GRIN2A: variants seen among roughly 807,000 people sequenced by gnomAD.
GRIN2A encodes glutamate ionotropic receptor NMDA type subunit 2A.
GRIN2A carries 22 observed loss-of-function variants against 113.4 expected under a neutral mutation model. The observed-to-expected ratio is 0.19, with a 90% CI of 0.14 to 0.28. The LOEUF (loss-of-function observed/expected upper bound fraction) is 0.28. Among genes scored for constraint, GRIN2A ranks in the 10% least tolerant of loss-of-function variants. GRIN2A has a pLI of 1.00. For synonymous variants in GRIN2A, 827 were observed against 738.4 expected, an observed-to-expected ratio of 1.12 and a Z score of -1.94; for missense variants, 1,502 against 1,887.0, an observed-to-expected ratio of 0.80 and a Z score of 3.78.
intron 11 of GRIN2A, among the ~76,000 whole-genome samples, chr16:9,775,895 G>C (rs9924081): frequency 0.023 from 3,547 of 152,260 alleles, 134 homozygotes; most frequent in African/African-American, 0.079. Context: ...CATTCAAATT[G>C]CAAATGTGTA....
At chr16:10,173,769 G>A (rs1301566007) in intron 2 of GRIN2A, among the ~76,000 whole-genome samples, 2 of 152,186 alleles carry the variant, frequency 1.3e-5, no homozygotes, top group African/African-American at 4.8e-5. Context: ...TGCAGCCATT[G>A]AAAATCAAGT....
intron 2 of GRIN2A, among the ~76,000 whole-genome samples, chr16:10,177,885 C>G (rs926677976): frequency 6.6e-6 from 1 of 152,176 alleles, no homozygotes. Context: ...TCTCTGCCTA[C>G]GTTCGGATGA....
At chr16:10,168,111 T>G (rs1032913980) in intron 2 of GRIN2A, among the ~76,000 whole-genome samples, 16 of 152,204 alleles carry the variant, frequency 1.1e-4, no homozygotes, top group African/African-American at 3.9e-4. Flanking sequence ...CATTGGCAAT[T>G]ATTCTAAACA....
chr16:9,902,427 G>C (rs1315363464), intron 3 of GRIN2A, among the ~76,000 whole-genome samples: 1 of 152,206 alleles, frequency 6.6e-6, no homozygotes, highest in Non-Finnish European at 1.5e-5. Flanking sequence ...AGGGTAGAAG[G>C]AGCCTGGGTC....
At chr16:10,048,937 C>T (rs1030002363) in intron 2 of GRIN2A, among the ~76,000 whole-genome samples, 6 of 152,256 alleles carry the variant, frequency 3.9e-5, no homozygotes, top group Middle Eastern at 3.4e-3. Flanking sequence ...AGGAAGGAGC[C>T]GAGGGAGAGA....
At chr16:10,132,056 G>T (rs1337399757) in intron 2 of GRIN2A, among the ~76,000 whole-genome samples, 1 of 152,092 alleles carries the variant, frequency 6.6e-6, no homozygotes, top group Admixed American at 6.5e-5. Context: ...AATAGTCTGG[G>T]CTTGGTGGCT....
intron 2 of GRIN2A, among the ~76,000 whole-genome samples, chr16:10,042,803 T>C (rs2047189019): frequency 2.6e-5 from 4 of 152,148 alleles, no homozygotes; most frequent in Admixed American, 2.6e-4. Context: ...CATAGGAAGA[T>C]AAAATCTCTC....
chr16:10,099,113 A>G (rs149427762), intron 2 of GRIN2A, among the ~76,000 whole-genome samples: 96 of 152,222 alleles, frequency 6.3e-4, no homozygotes, highest in African/African-American at 2.2e-3. Context: ...AATTTCTAAC[A>G]TTCCCCATAC....
At chr16:10,018,397 G>C (rs1179331291) in intron 2 of GRIN2A, among the ~76,000 whole-genome samples, 2 of 152,156 alleles carry the variant, frequency 1.3e-5, no homozygotes, top group Admixed American at 6.5e-5. Context: ...ACTGGAGGCA[G>C]CAATACCACT....
rs144070927 is a variant in GRIN2A at position 10,135,261 on chromosome 16, A to T, written c.414+44737T>A. On this transcript the variant is annotated intron_variant, in intron 2 of 12. Coordinates refer to ENST00000330684, the MANE Select transcript of GRIN2A (RefSeq NM_001134407.3). ...GATGTCCTTTCCTCCAGTTTTCAAT[A>T]ACATTTCCTTCGTAGGTAGCCCTCC... Among the ~76,000 whole-genome samples, 304 of 152,302 alleles carry T rather than the reference A, an allele frequency of 2.0e-3. 2 individuals carry two copies. Among genetic ancestry groups the T allele is most frequent in the African/African-American group, 7.0e-3 (292 of 41,570 alleles).
rs372233976 is a variant in GRIN2A at position 9,769,134 on chromosome 16, C to T, written c.2357-45G>A. 6.8e-5 allele frequency: 97 copies of T among 1,416,614 alleles called. No individual in the cohort carries two copies. The African/African-American group carries it at 1.1e-3, about 16-fold the overall frequency. 87.8% of individuals were successfully genotyped at this position (1,416,614 alleles called of 1,614,324 possible). ...CACAGGCAGTGAGGACCAGAACATG[C>T]ACTTTGGGGCAGACGCTTCTGGGTT... On this transcript the variant is annotated intron_variant, in intron 11 of 12. Transcript: ENST00000330684.
At chr16:10,079,863 A>G (rs914508900) in intron 2 of GRIN2A, among the ~76,000 whole-genome samples, 1 of 152,222 alleles carries the variant, frequency 6.6e-6, no homozygotes, top group Admixed American at 6.5e-5. Flanking sequence ...TGATAACGCA[A>G]TGGTGTAATC....
intron 2 of GRIN2A, among the ~76,000 whole-genome samples, chr16:9,983,091 C>T (rs147700337): frequency 1.3e-5 from 2 of 152,220 alleles, no homozygotes; most frequent in Non-Finnish European, 2.9e-5. Flanking sequence ...TATCCATCAC[C>T]TCAAACTTGT....
chr16:10,040,546 C>G (rs1419119141), intron 2 of GRIN2A, among the ~76,000 whole-genome samples: 1 of 150,174 alleles, frequency 6.7e-6, no homozygotes, highest in Non-Finnish European at 1.5e-5. Flanking sequence ...GCTGCACACT[C>G]ACAGCAGACA....
Position 10,096,647 on chromosome 16 carries a change from G to A in GRIN2A, c.414+83351C>T, listed in dbSNP as rs528609771. ...TCCCAAATGTCTTCCAAGGGGCAAA[G>A]TCCAGACACAACAGTGAAAGTGTGG... On this transcript the variant is annotated intron_variant, in intron 2 of 12. Transcript: ENST00000330684. Among the ~76,000 whole-genome samples, 68 of 151,462 alleles carry A rather than the reference G, an allele frequency of 4.5e-4. 1 individual carries two copies. The highest frequency in any genetic ancestry group is 1.4e-3 in the African/African-American group (59 of 41,270).
intron 2 of GRIN2A, among the ~76,000 whole-genome samples, chr16:10,038,456 A>G (rs985823345): frequency 5.3e-5 from 8 of 152,008 alleles, no homozygotes; most frequent in African/African-American, 1.7e-4. Context: ...GCTGTCCTGC[A>G]CACACTGTAG....
chr16:9,927,472 A>G (rs2044490673), intron 3 of GRIN2A, among the ~76,000 whole-genome samples: 1 of 152,230 alleles, frequency 6.6e-6, no homozygotes, highest in South Asian at 2.1e-4. Context: ...CAAAAAGCAG[A>G]GTCAAGAGAT....
intron 5 of GRIN2A, among the ~76,000 whole-genome samples, chr16:9,845,109 G>A (rs546114261): frequency 1.9e-4 from 29 of 152,042 alleles, no homozygotes; most frequent in Non-Finnish European, 7.4e-5. Flanking sequence ...TTGCTCTCAC[G>A]AGTCAGACTT....
chr16:9,871,959 C>T (rs925895833), intron 4 of GRIN2A, among the ~76,000 whole-genome samples: 5 of 152,110 alleles, frequency 3.3e-5, no homozygotes, highest in African/African-American at 1.2e-4. Context: ...GTTCAGAATA[C>T]GGTTCAGGTT....
Sources: allele counts gnomAD v4.1 joint callset (sites outside exome capture counted in the v4.1 genomes callset), GRCh38; gene constraint gnomAD v4.1.1; transcripts MANE v1.5; gene names NCBI Gene and HGNC (gene_info 2026-07-23, HGNC 2026-07-21).